The following LRRC38 variants were observed in gnomAD, a reference collection of about 807,000 sequenced individuals.
The protein encoded by LRRC38 is leucine-rich repeat-containing protein 38.
LRRC38 carries 5 observed loss-of-function variants against 16.4 expected under a neutral mutation model. The ratio of observed to expected loss-of-function variants is 0.31; its 90% CI spans 0.16 to 0.64. The LOEUF (loss-of-function observed/expected upper bound fraction) is 0.64, where lower values mean the gene tolerates loss of function less well. Among genes scored for constraint, LRRC38 ranks in the 30% least tolerant of loss-of-function variants. The pLI is 0.80. For synonymous variants in LRRC38, 191 were observed against 190.2 expected (o/e 1.00, Z -0.04); for missense variants, 341 against 401.8 (o/e 0.85, Z 1.29).
chr1:13,494,194 C>T (rs1283241549), intron 1 of LRRC38, among the ~76,000 whole-genome samples: 1 of 152,206 alleles, frequency 6.6e-6, no homozygotes, highest in Non-Finnish European at 1.5e-5. Flanking sequence ...CCCTAGGTTG[C>T]ACAATGAGTC....
chr1:13,482,078 T>G (rs1192896180), intron 1 of LRRC38, among the ~76,000 whole-genome samples: 1 of 152,154 alleles, frequency 6.6e-6, no homozygotes, highest in African/African-American at 2.4e-5. Flanking sequence ...ATGGCTTCCT[T>G]TAATTCATGC....
At chr1:13,495,898 C>T (rs1420508208) in intron 1 of LRRC38, among the ~76,000 whole-genome samples, 1 of 152,202 alleles carries the variant, frequency 6.6e-6, no homozygotes, top group East Asian at 1.9e-4. Flanking sequence ...TGCCTGCAGA[C>T]AGGCACTATG....
rs1365260737 is a variant in LRRC38 at position 13,487,564 on chromosome 1, C to A, written c.632-11465G>T. 6.6e-6 allele frequency among the ~76,000 whole-genome samples: 1 copy of A among 152,226 alleles called. No individual in the cohort carries two copies. Among genetic ancestry groups the A allele is most frequent in the Non-Finnish European group, 1.5e-5 (1 of 68,042 alleles). On this transcript the variant is annotated intron_variant, in intron 1 of 1. Transcript: ENST00000376085. This position sits in a 1 kb window ranked among gnomAD's most constrained non-coding sequence, Gnocchi z 4.4. The stretch of plus-strand genomic sequence containing the variant: ...ACCACGACTTCCTTCTCTTCCAGGG[C>A]ACATTCAGAAGAGACAGGCATCTCC...
rs58436602 is a variant in LRRC38 at position 13,502,094 on chromosome 1, A to ATTT, written c.631+10866_631+10868dup. 5.8e-4 allele frequency among the ~76,000 whole-genome samples: 77 copies of ATTT among 133,890 alleles called. 2 individuals carry two copies. The highest frequency in any genetic ancestry group is 2.0e-3 in the African/African-American group (72 of 36,054). The allele number at this position is 133,890 out of a possible 152,430, so 87.8% of individuals were successfully genotyped here. A position where few individuals can be genotyped will look rare whatever the true frequency, so the allele number is the denominator to read the frequency against. On this transcript the variant is annotated intron_variant, in intron 1 of 1. Coordinates refer to ENST00000376085, the MANE Select transcript of LRRC38 (RefSeq NM_001010847.2). ...AGGGGCACGCTGCCACGCCCAGCCAATTTTTTTTTTTTTTTTTTGTATTTT... is the reference window on the plus strand; with the variant it reads ...AGGGGCACGCTGCCACGCCCAGCCAATTTTTTTTTTTTTTTTTTTTTGTATTTT...
chr1:13,493,863 G>A (rs1639048544), intron 1 of LRRC38, among the ~76,000 whole-genome samples: 1 of 152,166 alleles, frequency 6.6e-6, no homozygotes, highest in Admixed American at 6.5e-5. Context: ...AGGAGTTTGA[G>A]ACCAACCTGC....
intron 1 of LRRC38, among the ~76,000 whole-genome samples, chr1:13,492,199 T>C (rs1312635345): frequency 6.6e-6 from 1 of 152,210 alleles, no homozygotes; most frequent in Non-Finnish European, 1.5e-5. Flanking sequence ...TGCGTACAAG[T>C]GAAATCATAC....
Position 13,513,076 on chromosome 1 carries a change from G to A in LRRC38, c.518C>T (p.Ala173Val). Residue 173 changes from alanine to valine, a missense_variant, in exon 1 of 2, where the codon GCC becomes GTC. By Grantham distance (64) the Ala-to-Val change is moderately conservative (BLOSUM62 0). Transcript: ENST00000376085. ...CAGGGAGCGCAGCGCGGGCAGCGCG[G>A]CCAGGGCGGCCACGCTGAGGCTGCG... ...NLRSLSVAALAALPALRSLRL... is the reference protein window; with the variant it reads ...NLRSLSVAALVALPALRSLRL... The A allele has an allele frequency of 6.5e-7, 1 of 1,550,042 alleles. No homozygotes were observed. Among genetic ancestry groups the A allele is most frequent in the Non-Finnish European group, 8.7e-7 (1 of 1,146,728 alleles).
chr1:13,497,998 A>C (rs947714861), intron 1 of LRRC38, among the ~76,000 whole-genome samples: 3 of 144,322 alleles, frequency 2.1e-5, no homozygotes, highest in Non-Finnish European at 3.0e-5. Context: ...GACATTTTGG[A>C]TATGCTGGAT....
intron 1 of LRRC38, among the ~76,000 whole-genome samples, chr1:13,486,405 G>A (rs1638934679): frequency 6.6e-6 from 1 of 152,010 alleles, no homozygotes; most frequent in Non-Finnish European, 1.5e-5. Flanking sequence ...CACATTCATA[G>A]GTGCCAAGGC....
At chr1:13,494,561 C>T (rs1012841174) in intron 1 of LRRC38, among the ~76,000 whole-genome samples, 22 of 152,154 alleles carry the variant, frequency 1.4e-4, no homozygotes, top group Non-Finnish European at 5.9e-5. Context: ...TTTGCCCAGG[C>T]TCACACAGCT....
In LRRC38 at chr1:13,505,967, T is replaced by C. The variant is rs534761156; in HGVS notation, c.631+6996A>G. ...GGGCTGTGGGAGGGAGCTCGGTTGA[T>C]TCTAAATGCAATGGGAGCCACTGGA... On this transcript the variant is annotated intron_variant, in intron 1 of 1. Transcript: ENST00000376085. Among the ~76,000 whole-genome samples, 3 of 88,162 alleles carry C rather than the reference T, an allele frequency of 3.4e-5. No homozygotes were observed. In the East Asian group the frequency reaches 5.2e-3, roughly 154 times the overall value. The allele number at this position is 88,162 out of a possible 152,430, so 57.8% of individuals were successfully genotyped here.
chr1:13,479,754 T>C (rs1638829343), intron 1 of LRRC38, among the ~76,000 whole-genome samples: 1 of 152,162 alleles, frequency 6.6e-6, no homozygotes, highest in Admixed American at 6.5e-5. Context: ...GAAGAGAGTC[T>C]GCCAGGCAGA....
chr1:13,477,728 C>G (rs1378087210), intron 1 of LRRC38, among the ~76,000 whole-genome samples: 2 of 152,120 alleles, frequency 1.3e-5, no homozygotes, highest in Non-Finnish European at 2.9e-5. Flanking sequence ...GTTCAAGCTA[C>G]TCAGGAGGCT....
In LRRC38 at chr1:13,487,730, A is replaced by G. The variant is rs1638953434; in HGVS notation, c.632-11631T>C. Among the ~76,000 whole-genome samples, 1 of 152,200 alleles carries G rather than the reference A, an allele frequency of 6.6e-6. No individual in the cohort carries two copies. Among genetic ancestry groups the G allele is most frequent in the African/African-American group, 2.4e-5 (1 of 41,456 alleles). On this transcript the variant is annotated intron_variant, in intron 1 of 1. Coordinates refer to ENST00000376085, the MANE Select transcript of LRRC38 (RefSeq NM_001010847.2). This position sits in a 1 kb window ranked among gnomAD's most constrained non-coding sequence, Gnocchi z 4.4. ...ATTCTCCAGAAATAGACAGTGACACAGCGGATGTTAGATTGAGATTAATCT... is the reference window on the plus strand; with the variant it reads ...ATTCTCCAGAAATAGACAGTGACACGGCGGATGTTAGATTGAGATTAATCT...
intron 1 of LRRC38, among the ~76,000 whole-genome samples, chr1:13,506,379 A>T (rs1405604582): frequency 2.0e-5 from 3 of 152,214 alleles, no homozygotes; most frequent in African/African-American, 7.2e-5. Flanking sequence ...GAGTTGACTC[A>T]GAACCACCAA....
Position 13,498,253 on chromosome 1 carries a change from A to C in LRRC38, c.631+14710T>G, listed in dbSNP as rs1001004788. ...AAAAAACAAAACAAAACAAAACAAA[A>C]AAAAAAAGAGCCCAGTTTGTGTTTT... On this transcript the variant is annotated intron_variant, in intron 1 of 1. Transcript: ENST00000376085. Among the ~76,000 whole-genome samples the C allele has an allele frequency of 2.7e-5, 4 of 150,000 alleles. No individual in the cohort carries two copies. In the South Asian group the frequency reaches 8.6e-4, roughly 32 times the overall value.
At position 13,475,820 on chromosome 1, in the gene LRRC38, G is replaced by A. The variant is rs1270020686; in HGVS notation, c.*26C>T. 6.5e-7 allele frequency: 1 copy of A among 1,545,980 alleles called. No individual in the cohort carries two copies. Among genetic ancestry groups the A allele is most frequent in the South Asian group, 1.2e-5 (1 of 83,804 alleles). On this transcript the variant is annotated 3_prime_UTR_variant, in exon 2 of 2. Transcript: ENST00000376085. This position sits in a 1 kb window ranked among gnomAD's most constrained non-coding sequence, Gnocchi z 4.3. ...AGAGCTTCTGGTTCGGTGCTGGAGA[G>A]TAAGAGGCAGGAGGGAGGAGGTGGC...
At chr1:13,507,348 A>C (rs1230183234) in intron 1 of LRRC38, among the ~76,000 whole-genome samples, 1 of 152,228 alleles carries the variant, frequency 6.6e-6, no homozygotes. Context: ...ACTCATCAAC[A>C]GCAGGACAGA....
chr1:13,499,964 A>G (rs1027667282), intron 1 of LRRC38, among the ~76,000 whole-genome samples: 1 of 152,086 alleles, frequency 6.6e-6, no homozygotes, highest in Non-Finnish European at 1.5e-5. Context: ...ATAGCTACAA[A>G]GATTGGCTGG....
Sources: gnomAD v4.1 joint callset for allele counts (sites outside exome capture counted in the v4.1 genomes callset) on GRCh38, gnomAD v4.1.1 for gene constraint, Gnocchi (gnomAD v3.1) non-coding constraint, MANE v1.5 for transcripts, NCBI Gene and HGNC (gene_info 2026-07-23, HGNC 2026-07-21) for gene names.